GTF2IRD2B: variants seen among roughly 807,000 people sequenced by gnomAD.
GTF2IRD2B encodes the protein GTF2I repeat domain containing 2B.
GTF2IRD2B carries 10 observed loss-of-function variants against 55.6 expected under a neutral mutation model. That is an observed-to-expected ratio of 0.18 (90% CI 0.11 to 0.31). The LOEUF (loss-of-function observed/expected upper bound fraction) is 0.31. Among genes scored for constraint, GTF2IRD2B ranks in the 10% least tolerant of loss-of-function variants. GTF2IRD2B has a pLI of 1.00. For synonymous variants in GTF2IRD2B, 107 were observed against 320.5 expected (o/e 0.33, Z 7.12); for missense variants, 206 against 802.7 (o/e 0.26, Z 8.98).
At chr7:75,093,047 G>C (rs1554422855) in intron 1 of GTF2IRD2B, among the ~76,000 whole-genome samples, 6 of 152,414 alleles carry the variant, frequency 3.9e-5, no homozygotes, top group East Asian at 3.9e-4. Flanking sequence ...TTGGCCGAGC[G>C]GGGGTGTGCG....
In GTF2IRD2B at chr7:75,118,038, G is replaced by A. The variant is rs1161146977; in HGVS notation, c.239-2853G>A. 1.4e-4 allele frequency among the ~76,000 whole-genome samples: 21 copies of A among 147,126 alleles called. No homozygotes were observed. In the East Asian group the frequency reaches 3.7e-3, roughly 26 times the overall value. On this transcript the variant is annotated intron_variant, in intron 3 of 15. Transcript: ENST00000472837. ...GTGGAGGTTGCAGTGAGCCAAGATC[G>A]TGCCATTGCACTCCAGCCTGGGTGA...
At chr7:75,133,547 C>CTTT (rs113660072) in intron 9 of GTF2IRD2B, among the ~76,000 whole-genome samples, 1 of 132,370 alleles carries the variant, frequency 7.6e-6, no homozygotes. Flanking sequence ...TCCACATACT[C>CTTT]TTTTTTTTTT....
chr7:75,092,999 G>A (rs1381037872), intron 1 of GTF2IRD2B, among the ~76,000 whole-genome samples: 6 of 152,296 alleles, frequency 3.9e-5, no homozygotes, highest in African/African-American at 7.2e-5. Flanking sequence ...CGGGGGCAAT[G>A]GTCGTACGCA....
At position 75,105,682 on chromosome 7, in the gene GTF2IRD2B, G is replaced by C. The variant is rs1438797627; in HGVS notation, c.-5-3278G>C. On this transcript the variant is annotated intron_variant, in intron 1 of 15. Coordinates refer to ENST00000472837, the MANE Select transcript of GTF2IRD2B (RefSeq NM_001003795.3). The stretch of plus-strand genomic sequence containing the variant: ...GATGATAACTCTAAGGGATCCTCGA[G>C]TGTCTTCAAAGAATTTTGGTAGATA... Among the ~76,000 whole-genome samples, 10 of 152,428 alleles carry C rather than the reference G, an allele frequency of 6.6e-5. No homozygotes were observed. The Middle Eastern group carries it at 0.01, about 156-fold the overall frequency.
intron 1 of GTF2IRD2B, among the ~76,000 whole-genome samples, chr7:75,103,180 G>A (rs1361009442): frequency 6.6e-6 from 1 of 152,064 alleles, no homozygotes. Flanking sequence ...TCGGGAGGCT[G>A]AGGCAGGAGA....
chr7:75,092,946 G>A (rs1475772636), intron 1 of GTF2IRD2B, among the ~76,000 whole-genome samples, 181 bp downstream of exon 1: 1 of 151,780 alleles, frequency 6.6e-6, no homozygotes, highest in Admixed American at 6.5e-5. Flanking sequence ...ATCCCTGCTG[G>A]CAGGACCAGA....
intron 3 of GTF2IRD2B, among the ~76,000 whole-genome samples, chr7:75,115,096 C>CTTTTTTTTTTT (rs60983909): frequency 2.3e-5 from 1 of 43,412 alleles, no homozygotes; most frequent in Non-Finnish European, 4.1e-5. Context: ...TCGTGCCCAG[C>CTTTTTTTTTTT]TTTTTTTTTT....
At chr7:75,105,824 G>T (rs1338430988) in intron 1 of GTF2IRD2B, among the ~76,000 whole-genome samples, 4 of 152,310 alleles carry the variant, frequency 2.6e-5, no homozygotes, top group East Asian at 1.9e-4. Context: ...CTTATTTCTT[G>T]GTTGCACTAA....
Position 75,103,113 on chromosome 7 carries a change from A to G in GTF2IRD2B, c.-5-5847A>G, listed in dbSNP as rs587754149. ...GCCAACATGGTGAAACCCCGTCTCT[A>G]CTAAAAAAGAGAAAACTTAGCTGGG... On this transcript the variant is annotated intron_variant, in intron 1 of 15. Transcript: ENST00000472837. Among the ~76,000 whole-genome samples the G allele has an allele frequency of 1.0e-3, 155 of 151,986 alleles. 1 individual carries two copies. The highest frequency in any genetic ancestry group is 3.6e-3 in the African/African-American group (149 of 41,544).
At chr7:75,137,202 A>T (rs1465667001) in intron 11 of GTF2IRD2B, among the ~76,000 whole-genome samples, 3 of 132,338 alleles carry the variant, frequency 2.3e-5, no homozygotes, top group East Asian at 2.2e-4. Flanking sequence ...GATTCCATCT[A>T]AAAAAAAAAA....
chr7:75,103,228 G>A (rs1408607136), intron 1 of GTF2IRD2B, among the ~76,000 whole-genome samples: 3 of 151,728 alleles, frequency 2.0e-5, no homozygotes, highest in African/African-American at 7.2e-5. Flanking sequence ...GCAGTGAGCC[G>A]AGATCGCACC....
intron 6 of GTF2IRD2B, chr7:75,123,806 A>T: frequency 2.4e-6 from 1 of 415,318 alleles, no homozygotes; most frequent in South Asian, 2.1e-5. Flanking sequence ...TGAACCCGGG[A>T]GGTGGAGCTT....
At chr7:75,127,263 GA>G (rs1372813317) in intron 8 of GTF2IRD2B, among the ~76,000 whole-genome samples, 8 of 151,292 alleles carry the variant, frequency 5.3e-5, no homozygotes, top group African/African-American at 1.9e-4. Flanking sequence ...CAAATTGCTT[GA>G]ACCCCGGAGT....
chr7:75,132,548 C>CTTTTT (rs1159887977), intron 8 of GTF2IRD2B, among the ~76,000 whole-genome samples: 140 of 85,392 alleles, frequency 1.6e-3, no homozygotes, highest in Non-Finnish European at 2.3e-3. Context: ...CTCCTTCCTT[C>CTTTTT]TTTTTTTTTT....
chr7:75,119,841 A>G (rs1234008497), intron 3 of GTF2IRD2B, among the ~76,000 whole-genome samples: 2 of 97,658 alleles, frequency 2.0e-5, no homozygotes, highest in South Asian at 3.1e-4. Flanking sequence ...CAAGAAAACT[A>G]TACTTGGCGG....
chr7:75,122,097 TAGA>T (rs1808394875), intron 4 of GTF2IRD2B, among the ~76,000 whole-genome samples: 2 of 130,618 alleles, frequency 1.5e-5, no homozygotes, highest in East Asian at 4.3e-4. Context: ...AGTGTTCTTA[TAGA>T]AGATGATGTG....
intron 1 of GTF2IRD2B, among the ~76,000 whole-genome samples, chr7:75,105,755 G>A (rs1401876512): frequency 2.6e-5 from 4 of 152,306 alleles, no homozygotes; most frequent in African/African-American, 9.6e-5. Flanking sequence ...TGTCCAGACT[G>A]GCTAGGGTGT....
At chr7:75,130,533 A>G (rs1808641036) in intron 8 of GTF2IRD2B, among the ~76,000 whole-genome samples, 1 of 151,686 alleles carries the variant, frequency 6.6e-6, no homozygotes, top group South Asian at 2.1e-4. Flanking sequence ...ACTGGAGTAC[A>G]GTGGTGTGAT....
chr7:75,102,080 G>A (rs1480287865), intron 1 of GTF2IRD2B, among the ~76,000 whole-genome samples: 1 of 150,968 alleles, frequency 6.6e-6, no homozygotes, highest in Non-Finnish European at 1.5e-5. Context: ...TCGGCTCACT[G>A]CAACCTCCGC....
Sources: gnomAD v4.1 joint callset for allele counts (sites outside exome capture counted in the v4.1 genomes callset) on GRCh38, gnomAD v4.1.1 for gene constraint, MANE v1.5 for transcripts, NCBI Gene and HGNC (gene_info 2026-07-23, HGNC 2026-07-21) for gene names.